SHROOM4: variants seen among roughly 807,000 people sequenced by gnomAD.
SHROOM4 encodes protein Shroom4.
Under a neutral mutation model 80.3 loss-of-function variants are expected in SHROOM4, and 17 were observed. The observed-to-expected ratio is 0.21, with a 90% CI of 0.14 to 0.32. SHROOM4 has a LOEUF of 0.32. Among genes scored for constraint, SHROOM4 ranks in the 10% least tolerant of loss-of-function variants. The probability of loss-of-function intolerance (pLI) is 1.00; values close to 1 mark genes in which losing one functional copy is unlikely to be tolerated. For missense variants in SHROOM4, 993 were observed against 1,140.3 expected, an observed-to-expected ratio of 0.87 and a Z score of 1.86; for synonymous variants, 400 against 437.5, an observed-to-expected ratio of 0.91 and a Z score of 1.07.
intron 5 of SHROOM4, among the ~76,000 whole-genome samples, chrX:50,618,355 C>A (rs1930387364): frequency 1.4e-4 from 2 of 14,508 alleles, no homozygotes; most frequent in African/African-American, 3.8e-4. Context: ...TTCCTTCCTT[C>A]CTTCCTTCCT....
chrX:50,741,501 T>C (rs1365421581), intron 1 of SHROOM4, among the ~76,000 whole-genome samples: 1 of 111,210 alleles, frequency 9.0e-6, no homozygotes, highest in Non-Finnish European at 1.9e-5. Flanking sequence ...TTTTATTTAA[T>C]CATTCCACAT....
intron 1 of SHROOM4, among the ~76,000 whole-genome samples, chrX:50,745,104 A>T (rs1402704135): frequency 9.0e-6 from 1 of 111,695 alleles, no homozygotes; most frequent in African/African-American, 3.3e-5. Flanking sequence ...GGTTTAGCCT[A>T]GTGTGTGTGT....
intron 1 of SHROOM4, among the ~76,000 whole-genome samples, chrX:50,749,798 C>T (rs782309614): frequency 8.9e-6 from 1 of 111,846 alleles, no homozygotes; most frequent in Non-Finnish European, 1.9e-5. Context: ...CATATTCTTG[C>T]TATGGAGAGA....
intron 1 of SHROOM4, among the ~76,000 whole-genome samples, chrX:50,750,021 T>C (rs781980570): frequency 8.9e-6 from 1 of 111,734 alleles, no homozygotes; most frequent in South Asian, 3.8e-4. Flanking sequence ...AACTTGACCA[T>C]AGCCACCAAC....
At chrX:50,736,494 T>C (rs1925047558) in intron 1 of SHROOM4, among the ~76,000 whole-genome samples, 1 of 111,608 alleles carries the variant, frequency 9.0e-6, no homozygotes, top group Admixed American at 9.5e-5. Context: ...CACTTATAAG[T>C]GAAAACATGC....
intron 1 of SHROOM4, among the ~76,000 whole-genome samples, chrX:50,792,663 A>G (rs1935877095): frequency 9.1e-6 from 1 of 110,403 alleles, no homozygotes; most frequent in African/African-American, 3.3e-5. Context: ...GGACTTGAGT[A>G]AACATTTCTC....
At chrX:50,575,697 T>C in the SHROOM4 span, among the ~76,000 whole-genome samples, 1 of 112,012 alleles carries the variant, frequency 8.9e-6, no homozygotes, top group African/African-American at 3.2e-5. Flanking sequence ...AGATATACTG[T>C]ATTAGATTAA....
intron 1 of SHROOM4, among the ~76,000 whole-genome samples, chrX:50,737,914 A>G (rs1419712264): frequency 1.8e-5 from 2 of 111,944 alleles, no homozygotes; most frequent in African/African-American, 6.5e-5. Context: ...ATGAACATCA[A>G]TGCAAAAATC....
intron 1 of SHROOM4, among the ~76,000 whole-genome samples, chrX:50,777,125 T>C (rs782619198): frequency 1.2e-4 from 13 of 111,740 alleles, no homozygotes; most frequent in Non-Finnish European, 1.9e-4. Flanking sequence ...TTTACCCCAA[T>C]GGGTAGTCAC....
intron 6 of SHROOM4, among the ~76,000 whole-genome samples, chrX:50,603,878 C>T (rs1294324219): frequency 3.6e-5 from 4 of 111,633 alleles, no homozygotes; most frequent in Admixed American, 1.9e-4. Flanking sequence ...TAATTTTGCC[C>T]GTGGTTTATG....
chrX:50,717,456 C>T (rs782063630), intron 1 of SHROOM4, among the ~76,000 whole-genome samples: 2 of 112,166 alleles, frequency 1.8e-5, no homozygotes, highest in African/African-American at 6.5e-5. Context: ...CTCTTGACCT[C>T]GTGATCTGCC....
intron 3 of SHROOM4, among the ~76,000 whole-genome samples, chrX:50,636,589 T>C (rs781932273): frequency 4.5e-5 from 5 of 111,488 alleles, no homozygotes; most frequent in African/African-American, 6.5e-5. Context: ...TGGAGTACAA[T>C]TGAACTCATC....
At chrX:50,721,519 C>G (rs1214355619) in intron 1 of SHROOM4, among the ~76,000 whole-genome samples, 1 of 111,670 alleles carries the variant, frequency 9.0e-6, no homozygotes, top group Non-Finnish European at 1.9e-5. Flanking sequence ...AGAGGTCACT[C>G]TGGTCGCCAT....
rs1400805209 is a variant in SHROOM4, at chrX:50,684,546, G to C, written c.269+11240C>G. ...AGGTGAAGTAACACAGGAACCAAAA[G>C]GAGTTCATTGCTTTTCAAAATAGTT... On this transcript the variant is annotated intron_variant, in intron 2 of 8. Transcript: ENST00000376020. 2.7e-5 allele frequency among the ~76,000 whole-genome samples: 3 copies of C among 111,797 alleles called. No homozygotes were observed. In the Admixed American group the frequency reaches 2.9e-4, roughly 11 times the overall value.
At position 50,607,667 on chromosome X, in the gene SHROOM4, GCTCCTCTTCCTC is replaced by G; in HGVS notation, c.3463_3474del (p.Glu1155_Glu1158del). The G allele has an allele frequency of 8.3e-7, 1 of 1,204,494 alleles. No individual in the cohort carries two copies. The highest frequency in any genetic ancestry group is 1.8e-5 in the South Asian group (1 of 55,953). ...TCTGAACTGAAATACTGGGGTGGCA[GCTCCTCTTCCTC>G]CTCCTCTGCCTCCTCCTCCTCCTCT... On this transcript the variant is annotated inframe_deletion, in exon 6 of 9. Coordinates refer to ENST00000376020, the MANE Select transcript of SHROOM4 (RefSeq NM_020717.5).
chrX:50,812,888 A>G (rs1165750984), intron 1 of SHROOM4, among the ~76,000 whole-genome samples: 1 of 112,249 alleles, frequency 8.9e-6, no homozygotes, highest in Non-Finnish European at 1.9e-5. Context: ...TGAGGATTTA[A>G]GAGAAACAAC....
rs781859805 is a variant in SHROOM4, at chrX:50,608,090, T to C, written c.3052A>G (p.Ile1018Val). The C allele has an allele frequency of 1.9e-5, 23 of 1,209,365 alleles. No individual in the cohort carries two copies. In the Admixed American group the frequency reaches 4.6e-4, roughly 24 times the overall value. Residue 1018 changes from isoleucine to valine, a missense_variant, in exon 6 of 9, where the codon ATT becomes GTT. Coordinates refer to ENST00000376020, the MANE Select transcript of SHROOM4 (RefSeq NM_020717.5). ...PALDLSSYRA[I>V]SSLDLLGDFK... ...TCTCCAAGGAGGTCAAGAGAAGAAA[T>C]TGCTCGGTAGCTTGACAAGTCCAGT...
intron 7 of SHROOM4, among the ~76,000 whole-genome samples, chrX:50,600,034 T>C (rs545723101): frequency 1.8e-5 from 2 of 111,034 alleles, no homozygotes; most frequent in African/African-American, 6.6e-5. Flanking sequence ...GGATTCCAAT[T>C]CCACCTCCAA....
intron 1 of SHROOM4, among the ~76,000 whole-genome samples, chrX:50,727,233 T>C (rs1216086346): frequency 8.9e-6 from 1 of 112,948 alleles, no homozygotes; most frequent in Non-Finnish European, 1.9e-5. Flanking sequence ...CCATTGTATC[T>C]TAAGAGTAAC....
Sources: gnomAD v4.1 joint callset for allele counts (sites outside exome capture counted in the v4.1 genomes callset) on GRCh38, gnomAD v4.1.1 for gene constraint, MANE v1.5 for transcripts, NCBI Gene and HGNC (gene_info 2026-07-23, HGNC 2026-07-21) for gene names.